The following ITGB3BP variants were observed in gnomAD, a reference collection of about 807,000 sequenced individuals.
ITGB3BP encodes the protein integrin subunit beta 3 binding protein.
ITGB3BP carries 27 observed loss-of-function variants against 29.1 expected under a neutral mutation model. That is an observed-to-expected ratio of 0.93 (90% CI 0.68 to 1.28). The LOEUF (loss-of-function observed/expected upper bound fraction) is 1.28, where lower values mean the gene tolerates loss of function less well. Ranked by LOEUF, ITGB3BP falls within the 50% of genes most tolerant of loss-of-function variation. ITGB3BP has a pLI of 0.00. For synonymous variants in ITGB3BP, 61 were observed against 61.4 expected (o/e 0.99, Z 0.03); for missense variants, 192 against 200.2 (o/e 0.96, Z 0.25).
intron 1 of ITGB3BP, among the ~76,000 whole-genome samples, chr1:63,520,872 G>A (rs1257280989): frequency 6.6e-6 from 1 of 152,004 alleles, no homozygotes; most frequent in Non-Finnish European, 1.5e-5. Context: ...ACCATAAGTA[G>A]CTTATTTTTG....
Position 63,454,757 on chromosome 1 carries a change from A to G in ITGB3BP, c.333+133T>C. 2.1e-6 allele frequency: 1 copy of G among 475,816 alleles called. No homozygotes were observed. Among genetic ancestry groups the G allele is most frequent in the Non-Finnish European group, 3.7e-6 (1 of 267,460 alleles). 29.5% of individuals were successfully genotyped at this position (475,816 alleles called of 1,614,324 possible). On this transcript the variant is annotated intron_variant, in intron 5 of 8. Coordinates refer to ENST00000271002, the MANE Select transcript of ITGB3BP (RefSeq NM_014288.5). This position sits in a 1 kb window ranked among gnomAD's most constrained non-coding sequence, Gnocchi z 4.1. The stretch of plus-strand genomic sequence containing the variant: ...ATGGTTAAATAGTGTTCTCCTATTA[A>G]AAAAAAAATTCCCATGAAAAGTAAA...
intron 7 of ITGB3BP, chr1:63,447,575 T>C (rs1454332202): frequency 2.0e-6 from 1 of 496,890 alleles, no homozygotes; most frequent in East Asian, 5.6e-5. Flanking sequence ...CTAGGAGAGC[T>C]GGGGAGAGCT....
chr1:63,442,630 C>A (rs111956420), intron 8 of ITGB3BP: 1 of 152,182 alleles, frequency 6.6e-6, no homozygotes, highest in African/African-American at 2.4e-5. Flanking sequence ...TTAGTTACCC[C>A]AAGCTTCTAC....
At chr1:63,503,760 TA>T (rs1221535038) in intron 2 of ITGB3BP, among the ~76,000 whole-genome samples, 13 of 152,222 alleles carry the variant, frequency 8.5e-5, no homozygotes, top group African/African-American at 3.1e-4. Context: ...CACCATTTAT[TA>T]AATAGGGAAT....
chr1:63,446,690 T>G, intron 8 of ITGB3BP, 116 bp downstream of exon 8: 1 of 750,848 alleles, frequency 1.3e-6, no homozygotes, highest in Non-Finnish European at 2.3e-6. Flanking sequence ...GCTATATCCC[T>G]ATTTTCTTAC....
intron 2 of ITGB3BP, among the ~76,000 whole-genome samples, chr1:63,497,503 C>A (rs1329372207): frequency 6.6e-6 from 1 of 152,102 alleles, no homozygotes; most frequent in Non-Finnish European, 1.5e-5. Flanking sequence ...AAACTTACAT[C>A]CCTTTGTTCA....
upstream of ITGB3BP, among the ~76,000 whole-genome samples, chr1:63,524,741 G>T (rs899534873): frequency 2.6e-5 from 4 of 152,058 alleles, no homozygotes; most frequent in African/African-American, 9.7e-5. Context: ...TGAAATTTAC[G>T]GCTTTTTGCC....
chr1:63,466,370 C>T (rs1172956956), intron 4 of ITGB3BP, among the ~76,000 whole-genome samples: 1 of 150,522 alleles, frequency 6.6e-6, no homozygotes, highest in African/African-American at 2.4e-5. Context: ...CGACAACATA[C>T]GGTTAGGACA....
intron 7 of ITGB3BP, among the ~76,000 whole-genome samples, chr1:63,448,111 T>C (rs1227409844): frequency 7.3e-6 from 1 of 136,402 alleles, no homozygotes; most frequent in Non-Finnish European, 1.5e-5. Context: ...TTCTCACTCA[T>C]AGGTGGGAAT....
Position 63,469,280 on chromosome 1 carries a change from G to A in ITGB3BP, c.254+9484C>T, listed in dbSNP as rs75850707. Among the ~76,000 whole-genome samples, 1,007 of 151,950 alleles carry A rather than the reference G, an allele frequency of 6.6e-3. 10 individuals carry two copies. Among genetic ancestry groups the A allele is most frequent in the African/African-American group, 0.023 (939 of 41,456 alleles). On this transcript the variant is annotated intron_variant, in intron 4 of 8. Transcript: ENST00000271002. ...ATGCTTTGTAAATCCTTAAGATGAA[G>A]ATATCTCCTTTACTTATACCTACTT...
chr1:63,491,421 G>T (rs1191517858), intron 2 of ITGB3BP, among the ~76,000 whole-genome samples: 1 of 152,168 alleles, frequency 6.6e-6, no homozygotes, highest in Non-Finnish European at 1.5e-5. Flanking sequence ...GTCTGTCACA[G>T]AAAAAGGCAT....
At chr1:63,469,872 CAT>C (rs1645165840) in intron 4 of ITGB3BP, among the ~76,000 whole-genome samples, 1 of 152,244 alleles carries the variant, frequency 6.6e-6, no homozygotes, top group African/African-American at 2.4e-5. Context: ...AGCACTGTGA[CAT>C]GTTCATGATG....
At chr1:63,483,858 T>C (rs1259467281) in intron 3 of ITGB3BP, among the ~76,000 whole-genome samples, 1 of 152,190 alleles carries the variant, frequency 6.6e-6, no homozygotes, top group East Asian at 1.9e-4. Context: ...CTGTATAGGT[T>C]TGCAGCCTAG....
intron 8 of ITGB3BP, among the ~76,000 whole-genome samples, chr1:63,444,653 A>G (rs1263290297): frequency 8.4e-6 from 1 of 119,178 alleles, no homozygotes; most frequent in Non-Finnish European, 1.9e-5. Context: ...ATCTCCTATT[A>G]CAATATATAT....
chr1:63,460,179 A>C (rs1644994840), intron 4 of ITGB3BP, among the ~76,000 whole-genome samples: 1 of 152,198 alleles, frequency 6.6e-6, no homozygotes, highest in Non-Finnish European at 1.5e-5. Context: ...AAACATTTTT[A>C]AATGTACAAT....
intron 2 of ITGB3BP, among the ~76,000 whole-genome samples, chr1:63,503,773 G>A (rs920199624): frequency 1.6e-4 from 24 of 151,956 alleles, no homozygotes; most frequent in Admixed American, 9.2e-4. Flanking sequence ...ATAGGGAATC[G>A]TTTCCCCATT....
chr1:63,453,673 G>A (rs1008058405), intron 7 of ITGB3BP: 1 of 315,308 alleles, frequency 3.2e-6, no homozygotes, highest in African/African-American at 2.2e-5. Flanking sequence ...GTTGAAGATT[G>A]CATTTCAAAA....
chr1:63,495,417 G>A (rs1316236367), intron 2 of ITGB3BP, among the ~76,000 whole-genome samples: 1 of 152,186 alleles, frequency 6.6e-6, no homozygotes, highest in Non-Finnish European at 1.5e-5. Flanking sequence ...AGGAAAGATA[G>A]CTGTGGTATA....
At chr1:63,528,829 A>G (rs571808008) in intron 2 of ITGB3BP, among the ~76,000 whole-genome samples, 15 of 152,306 alleles carry the variant, frequency 9.8e-5, no homozygotes, top group African/African-American at 3.6e-4. Context: ...TGTGTTCTGT[A>G]TATGTACCAT....
Sources: allele counts gnomAD v4.1 joint callset (sites outside exome capture counted in the v4.1 genomes callset), GRCh38; gene constraint gnomAD v4.1.1; non-coding constraint Gnocchi (gnomAD v3.1); transcripts MANE v1.5; gene names NCBI Gene and HGNC (gene_info 2026-07-23, HGNC 2026-07-21).